The following KCNIP4 variants were observed in gnomAD, a reference collection of about 807,000 sequenced individuals.
KCNIP4 encodes the protein potassium voltage-gated channel interacting protein 4, also known as Kv channel-interacting protein 4.
KCNIP4 carries 12 observed loss-of-function variants against 34.0 expected under a neutral mutation model. That is an observed-to-expected ratio of 0.35 (90% confidence interval 0.23 to 0.57). KCNIP4 has a LOEUF of 0.57. Among genes scored for constraint, KCNIP4 ranks in the 20% least tolerant of loss-of-function variants. The pLI, the probability that KCNIP4 is intolerant of heterozygous loss-of-function variation, is 0.83. For synonymous variants in KCNIP4, 124 were observed against 102.2 expected (o/e 1.21, Z -1.29); for missense variants, 238 against 311.7 (o/e 0.76, Z 1.78).
At chr4:21,785,260 T>TCAC (rs61690987) in intron 1 of KCNIP4, among the ~76,000 whole-genome samples, 142,381 of 151,734 alleles carry the variant, frequency 0.94, 66,932 homozygotes, top group Non-Finnish European at 0.97. Context: ...TGTGCAGCTA[T>TCAC]CACAATTAAT....
At chr4:21,221,164 T>G (rs1222344011) in intron 1 of KCNIP4, among the ~76,000 whole-genome samples, 2 of 152,176 alleles carry the variant, frequency 1.3e-5, no homozygotes, top group African/African-American at 4.8e-5. Flanking sequence ...AATGTTTCTT[T>G]TATCCACTAG....
At chr4:21,427,164 G>A (rs1343007671) in intron 1 of KCNIP4, among the ~76,000 whole-genome samples, 1 of 151,956 alleles carries the variant, frequency 6.6e-6, no homozygotes. Context: ...TGTTATGCTA[G>A]GAAATGGGTG....
At chr4:21,637,765 A>G (rs1014401594) in intron 1 of KCNIP4, among the ~76,000 whole-genome samples, 1 of 144,108 alleles carries the variant, frequency 6.9e-6, no homozygotes, top group Non-Finnish European at 1.5e-5. Flanking sequence ...CCTGGGTGAC[A>G]AGAACAAAAG....
At chr4:20,903,186 A>G (rs1491356) in intron 1 of KCNIP4, among the ~76,000 whole-genome samples, 111,508 of 152,070 alleles carry the variant, frequency 0.73, 41,250 homozygotes, top group East Asian at 0.84. Flanking sequence ...ACTGCAAACT[A>G]TCAAAGGCAT....
Position 20,758,860 on chromosome 4 carries a change from T to C in KCNIP4, c.319A>G (p.Thr107Ala). ...ECPSGVVNEE[T>A]FKEIYSQFFP... ...AACTGCGAGTAAATCTCTTTGAAGGTTTCTTCATTAACAACACCACTGGGG... is the reference window on the plus strand; with the variant it reads ...AACTGCGAGTAAATCTCTTTGAAGGCTTCTTCATTAACAACACCACTGGGG... Residue 107 changes from threonine to alanine, a missense_variant, in exon 4 of 9, where the codon ACC becomes GCC. By Grantham distance (58) the Thr-to-Ala change is moderately conservative. Coordinates refer to ENST00000382152, the MANE Select transcript of KCNIP4 (RefSeq NM_025221.6). The C allele has an allele frequency of 6.2e-7, 1 of 1,613,342 alleles. No individual in the cohort carries two copies. The highest frequency in any genetic ancestry group is 8.5e-7 in the Non-Finnish European group (1 of 1,179,452).
intron 1 of KCNIP4, among the ~76,000 whole-genome samples, chr4:21,310,404 T>C (rs13120431): frequency 0.074 from 11,214 of 152,030 alleles, 434 homozygotes; most frequent in Middle Eastern, 0.12. Context: ...GCCCAGGTGC[T>C]CCTGGAAAGT....
intron 1 of KCNIP4, among the ~76,000 whole-genome samples, chr4:21,938,184 A>G (rs142997616): frequency 2.6e-5 from 4 of 152,180 alleles, no homozygotes; most frequent in South Asian, 2.1e-4. Context: ...CTCCAGTCCT[A>G]TCTAGTCTAA....
chr4:21,451,672 T>C (rs1198983246), intron 1 of KCNIP4, among the ~76,000 whole-genome samples: 1 of 152,114 alleles, frequency 6.6e-6, no homozygotes, highest in Non-Finnish European at 1.5e-5. Context: ...GCTTCCTTAA[T>C]GAAGTTGCAT....
intron 1 of KCNIP4, among the ~76,000 whole-genome samples, chr4:21,279,922 T>C (rs1314389040): frequency 6.6e-6 from 1 of 152,072 alleles, no homozygotes; most frequent in Admixed American, 6.6e-5. Context: ...ATTAAAAGAG[T>C]TCATTTCGCC....
At chr4:20,802,291 TATATATATGCA>T (rs1352463574) in intron 3 of KCNIP4, among the ~76,000 whole-genome samples, 8 of 147,962 alleles carry the variant, frequency 5.4e-5, no homozygotes, top group East Asian at 4.0e-4. Context: ...ATATATGCAA[TATATATATGCA>T]ATATATATAT....
chr4:21,017,733 T>C (rs1201904087), intron 1 of KCNIP4, among the ~76,000 whole-genome samples: 1 of 152,156 alleles, frequency 6.6e-6, no homozygotes, highest in Non-Finnish European at 1.5e-5. Flanking sequence ...GGCCAAATCG[T>C]ATTTCCAGTT....
At chr4:20,763,917 GT>G (rs1755167494) in intron 3 of KCNIP4, among the ~76,000 whole-genome samples, 1 of 152,026 alleles carries the variant, frequency 6.6e-6, no homozygotes, top group South Asian at 2.1e-4. Context: ...CATTTCCCAG[GT>G]GTCATTTTTA....
chr4:21,103,145 G>A (rs886202723), intron 1 of KCNIP4, among the ~76,000 whole-genome samples: 1 of 151,678 alleles, frequency 6.6e-6, no homozygotes, highest in East Asian at 1.9e-4. Context: ...GGAGTTAAAA[G>A]AACTTTTATT....
intron 1 of KCNIP4, among the ~76,000 whole-genome samples, chr4:21,098,182 G>C (rs977779211): frequency 3.0e-4 from 46 of 152,138 alleles, no homozygotes; most frequent in African/African-American, 1.0e-3. Context: ...AGCTAACAGT[G>C]GTTGATTAAG....
At chr4:20,785,935 AT>A in intron 3 of KCNIP4, among the ~76,000 whole-genome samples, 1 of 152,194 alleles carries the variant, frequency 6.6e-6, no homozygotes. Flanking sequence ...TGACCCAGGA[AT>A]ACCATTACTG....
intron 1 of KCNIP4, among the ~76,000 whole-genome samples, chr4:21,015,300 A>G (rs1359329187): frequency 2.0e-5 from 3 of 148,790 alleles, no homozygotes; most frequent in Non-Finnish European, 4.4e-5. Flanking sequence ...TATATATATT[A>G]TAAAAATGGA....
chr4:20,892,491 GTCTC>G (rs1196128894), intron 1 of KCNIP4, among the ~76,000 whole-genome samples: 2 of 151,930 alleles, frequency 1.3e-5, no homozygotes, highest in African/African-American at 2.4e-5. Flanking sequence ...CTGGCTCAAT[GTCTC>G]TCTCTGTCTC....
At chr4:21,248,417 C>A (rs532921085) in intron 1 of KCNIP4, among the ~76,000 whole-genome samples, 1 of 152,260 alleles carries the variant, frequency 6.6e-6, no homozygotes, top group African/African-American at 2.4e-5. Flanking sequence ...ACACCTTCCC[C>A]TTGGGAATCT....
intron 1 of KCNIP4, chr4:21,656,510 A>T (rs959653397): frequency 5.3e-5 from 8 of 152,226 alleles, no homozygotes; most frequent in Non-Finnish European, 1.0e-4. Context: ...GACACCGAGC[A>T]GTTAGTTCTC....
Sources: gnomAD v4.1 joint callset for allele counts (sites outside exome capture counted in the v4.1 genomes callset) on GRCh38, gnomAD v4.1.1 for gene constraint, MANE v1.5 for transcripts, NCBI Gene and HGNC (gene_info 2026-07-23, HGNC 2026-07-21) for gene names.